TM7SF3: variants seen among roughly 807,000 people sequenced by gnomAD.
TM7SF3 encodes the protein seven span transmembrane protein.
In TM7SF3, 60 loss-of-function variants were observed where a neutral mutation model predicts 65.5. The ratio of observed to expected loss-of-function variants is 0.92; its 90% CI spans 0.74 to 1.14. The LOEUF is 1.14. Ranked by LOEUF, TM7SF3 falls within the 50% of genes most tolerant of loss-of-function variation. The pLI is 0.00. For missense variants in TM7SF3, 623 were observed against 684.8 expected, an observed-to-expected ratio of 0.91 and a Z score of 1.01; for synonymous variants, 264 against 259.6, an observed-to-expected ratio of 1.02 and a Z score of -0.16.
At chr12:26,990,377 AATG>A in intron 6 of TM7SF3, 70 bp downstream of exon 6, 2 of 1,135,306 alleles carry the variant, frequency 1.8e-6, no homozygotes, top group Non-Finnish European at 2.6e-6. Flanking sequence ...GTGTTGAATG[AATG>A]AGAACTAGAC....
At chr12:26,996,139 C>T (rs1940586015) in intron 4 of TM7SF3, among the ~76,000 whole-genome samples, 1 of 151,094 alleles carries the variant, frequency 6.6e-6, no homozygotes, top group South Asian at 2.1e-4. Context: ...CATAGAAAGA[C>T]CTCATCTTTG....
In TM7SF3 at chr12:26,978,744, A is replaced by AT. The variant is rs4036423; in HGVS notation, c.1189+1039dup. 234 of 141,560 alleles carry AT rather than the reference A, an allele frequency of 1.7e-3. 1 individual carries two copies. The highest frequency in any genetic ancestry group is 0.014 in the Middle Eastern group (4 of 284). 8.8% of individuals were successfully genotyped at this position (141,560 alleles called of 1,614,324 possible). ...AGGTGTGCACTACAACACCTGGCTA[A>AT]TTTTTTTTTTTTTTTTTTCAGTAGA... is the stretch of plus-strand genomic sequence containing the variant. On this transcript the variant is annotated intron_variant, in intron 9 of 11. Transcript: ENST00000343028.
rs1215867022 is a variant in TM7SF3, at chr12:26,975,672, G to A, written c.1288-14C>T. The A allele has an allele frequency of 3.1e-6, 5 of 1,613,322 alleles. No homozygotes were observed. The Admixed American group carries it at 5.0e-5, about 16-fold the overall frequency. Reference sequence around the variant, plus strand: ...CAGTATGTTCAGCTGTGGAAGAGTGGAAGAGTTTAGGCATCATCCATGTTA... The same window carrying A: ...CAGTATGTTCAGCTGTGGAAGAGTGAAAGAGTTTAGGCATCATCCATGTTA... On this transcript the variant is annotated splice_polypyrimidine_tract_variant and intron_variant, in intron 10 of 11. Coordinates refer to ENST00000343028, the MANE Select transcript of TM7SF3 (RefSeq NM_016551.3).
At chr12:26,991,488 T>A (rs943365513) in intron 5 of TM7SF3, among the ~76,000 whole-genome samples, 2 of 152,222 alleles carry the variant, frequency 1.3e-5, no homozygotes, top group African/African-American at 4.8e-5. Context: ...TTGTAAACTA[T>A]AAAATAGAAG....
chr12:27,001,075 A>G (rs1940812248), intron 2 of TM7SF3, among the ~76,000 whole-genome samples: 1 of 152,158 alleles, frequency 6.6e-6, no homozygotes, highest in African/African-American at 2.4e-5. Context: ...GATCAAGTCA[A>G]CAGTTTCAAA....
intron 5 of TM7SF3, 83 bp downstream of exon 5, chr12:26,995,154 T>C (rs1467637816): frequency 7.3e-7 from 1 of 1,378,744 alleles, no homozygotes; most frequent in Admixed American, 2.2e-5. Context: ...AGTAAAGAAA[T>C]AAGATCCTGG....
rs757708936 is a variant in TM7SF3 at position 26,995,405 on chromosome 12, G to A, written c.522C>T (p.Gly174=). The change falls in exon 5 of 12, where the codon GGC becomes GGT. Residue 174 remains glycine, a synonymous_variant. Transcript: ENST00000343028. The part of the protein sequence containing the change: ...FAPANLGYAR[G]VDPPPCDAGT... Reference sequence around the variant, plus strand: ...CAGCGTCACATGGTGGGGGATCTACGCCTCTAAAGTCAACCAACAAAATGA... The same window carrying A: ...CAGCGTCACATGGTGGGGGATCTACACCTCTAAAGTCAACCAACAAAATGA... 1.7e-5 allele frequency: 28 copies of A among 1,614,072 alleles called. No homozygotes were observed. Among genetic ancestry groups the A allele is most frequent in the South Asian group, 6.6e-5 (6 of 91,060 alleles).
chr12:26,990,692 C>T (rs1328159816), intron 5 of TM7SF3, 65 bp from the exon 6 acceptor site: 2 of 1,240,918 alleles, frequency 1.6e-6, no homozygotes, highest in East Asian at 4.7e-5. Context: ...TGTGATAATC[C>T]CACCTACGTG....
chr12:26,992,555 A>AT (rs1940416424), intron 5 of TM7SF3, among the ~76,000 whole-genome samples: 1 of 152,226 alleles, frequency 6.6e-6, no homozygotes, highest in South Asian at 2.1e-4. Flanking sequence ...AAGTGCTGGG[A>AT]TTACAGGCGT....
intron 3 of TM7SF3, among the ~76,000 whole-genome samples, chr12:26,998,856 G>T (rs573203945): frequency 1.3e-5 from 2 of 152,218 alleles, no homozygotes; most frequent in East Asian, 1.9e-4. Context: ...ACCTCAAATT[G>T]TATGCAAGGC....
intron 1 of TM7SF3, among the ~76,000 whole-genome samples, chr12:27,006,743 T>G (rs1941053284): frequency 6.6e-6 from 1 of 152,230 alleles, no homozygotes; most frequent in Non-Finnish European, 1.5e-5. Flanking sequence ...TATTGCCCAT[T>G]TAACAGGTCT....
At chr12:26,979,988 G>T in intron 8 of TM7SF3, 52 bp from the exon 9 acceptor site, 1 of 1,606,102 alleles carries the variant, frequency 6.2e-7, no homozygotes, top group Non-Finnish European at 8.5e-7. Flanking sequence ...ACTTCCAACC[G>T]CGTGCCTTAG....
chr12:26,983,105 G>C (rs1035942436), intron 6 of TM7SF3, among the ~76,000 whole-genome samples: 1 of 151,978 alleles, frequency 6.6e-6, no homozygotes, highest in Non-Finnish European at 1.5e-5. Context: ...TGCTGATAGC[G>C]GTATGGAACA....
At chr12:26,981,595 T>G (rs933228970) in intron 7 of TM7SF3, among the ~76,000 whole-genome samples, 1 of 152,140 alleles carries the variant, frequency 6.6e-6, no homozygotes, top group Non-Finnish European at 1.5e-5. Context: ...TTCTACATGT[T>G]GAGATATTAT....
At chr12:26,974,605 C>T (rs995132791) in intron 11 of TM7SF3, among the ~76,000 whole-genome samples, 2 of 152,158 alleles carry the variant, frequency 1.3e-5, no homozygotes, top group South Asian at 2.1e-4. Context: ...CATGGAACAT[C>T]AGATTCCACC....
intron 8 of TM7SF3, chr12:26,980,277 CT>C: frequency 3.8e-6 from 2 of 523,376 alleles, no homozygotes; most frequent in Non-Finnish European, 6.7e-6. Flanking sequence ...CAACATTTTG[CT>C]TGTTGTACAT....
intron 1 of TM7SF3, among the ~76,000 whole-genome samples, chr12:27,006,734 A>G (rs925745575): frequency 2.6e-5 from 4 of 152,216 alleles, no homozygotes; most frequent in African/African-American, 7.2e-5. Context: ...TATGTTTGAT[A>G]TTGCCCATTT....
At chr12:26,985,996 T>C (rs1272783340) in intron 6 of TM7SF3, among the ~76,000 whole-genome samples, 1 of 132,646 alleles carries the variant, frequency 7.5e-6, no homozygotes, top group Non-Finnish European at 1.6e-5. Context: ...ATGTTTTGTA[T>C]TGTTTTTTTT....
At chr12:26,989,460 C>G (rs1330501495) in intron 6 of TM7SF3, among the ~76,000 whole-genome samples, 2 of 151,890 alleles carry the variant, frequency 1.3e-5, no homozygotes, top group Non-Finnish European at 2.9e-5. Context: ...AAGAGTTATA[C>G]ACAGGTTTTC....
Sources: gnomAD v4.1 joint callset for allele counts (sites outside exome capture counted in the v4.1 genomes callset) on GRCh38, gnomAD v4.1.1 for gene constraint, MANE v1.5 for transcripts, NCBI Gene and HGNC (gene_info 2026-07-23, HGNC 2026-07-21) for gene names.